Variants in ACTR1B observed in about 807,000 individuals in gnomAD.
ACTR1B encodes the protein actin related protein 1B.
Under a neutral mutation model 49.4 loss-of-function variants are expected in ACTR1B, and 34 were observed. That is an observed-to-expected ratio of 0.69 (90% CI 0.52 to 0.92). The LOEUF (loss-of-function observed/expected upper bound fraction) is 0.92. Among genes scored for constraint, ACTR1B ranks in the 40% least tolerant of loss-of-function variants. The pLI is 0.00. For missense variants in ACTR1B, 471 were observed against 522.4 expected, an observed-to-expected ratio of 0.90 and a Z score of 0.96; for synonymous variants, 207 against 207.8, an observed-to-expected ratio of 1.00 and a Z score of 0.03.
intron 1 of ACTR1B, 123 bp from the exon 2 acceptor site, chr2:97,662,069 G>T: frequency 2.1e-6 from 2 of 949,768 alleles, no homozygotes; most frequent in Non-Finnish European, 3.3e-6. Context: ...ACCCTGCCAG[G>T]ATCATTTACA....
Position 97,658,640 on chromosome 2 carries a change from G to A in ACTR1B, c.444C>T (p.Tyr148=), listed in dbSNP as rs202224459. ...CCACTCCTGTCGTGCGTCCTGTTGC[G>A]TACCTGTCACCAGGTCAGCATCCCC... ...FISMQAVLSL[Y]ATGRTTGVVL... is the part of the protein sequence containing the mutation. Residue 148 remains tyrosine, a synonymous_variant, in exon 6 of 11, where the codon TAC becomes TAT. Transcript: ENST00000289228. The surrounding 1 kb of genome is among the most constrained non-coding windows in gnomAD (Gnocchi z 5.9). The A allele has an allele frequency of 1.9e-5, 31 of 1,613,618 alleles. No homozygotes were observed. The highest frequency in any genetic ancestry group is 4.4e-5 in the South Asian group (4 of 91,082).
rs548510955 is a variant in ACTR1B at position 97,659,155 on chromosome 2, C to G, written c.316-152G>C. On this transcript the variant is annotated intron_variant, in intron 4 of 10. Coordinates refer to ENST00000289228, the MANE Select transcript of ACTR1B (RefSeq NM_005735.4). The surrounding 1 kb of genome is among the most constrained non-coding windows in gnomAD (Gnocchi z 4.0). ...ATCCCTTTATCTGCTGGCAGTTACT[C>G]TTCCGGAGATCCGGCTCTCTTTGGA... 1 of 1,455,762 alleles carries G rather than the reference C, an allele frequency of 6.9e-7. No individual in the cohort carries two copies. The highest frequency in any genetic ancestry group is 9.4e-7 in the Non-Finnish European group (1 of 1,066,872). 90.2% of individuals were successfully genotyped at this position (1,455,762 alleles called of 1,614,324 possible).
chr2:97,662,039 GGCCAAGGAGGAA>G, intron 1 of ACTR1B, 93 bp from the exon 2 acceptor site: 1 of 1,309,808 alleles, frequency 7.6e-7, no homozygotes, highest in Non-Finnish European at 1.1e-6. Context: ...CGTCAAGGCA[GGCCAAGGAGGAA>G]GCCAGGGACC....
At chr2:97,657,101 T>G in intron 10 of ACTR1B, 51 bp downstream of exon 10, 2 of 1,600,330 alleles carry the variant, frequency 1.2e-6, no homozygotes, top group Non-Finnish European at 1.7e-6. Flanking sequence ...GGGAGGAGCA[T>G]CCAGGGTAAA....
rs1156724529 is a variant in ACTR1B at position 97,659,255 on chromosome 2, T to C, written c.315+97A>G. 4 of 1,568,292 alleles carry C rather than the reference T, an allele frequency of 2.6e-6. No individual in the cohort carries two copies. Among genetic ancestry groups the C allele is most frequent in the South Asian group, 1.2e-5 (1 of 86,726 alleles). ...GGAAAGGCAGCAGGCCCTCTAGAAATGTAGAAGGGAAATGTGGGAGCCCGG... is the reference window on the plus strand; with the variant it reads ...GGAAAGGCAGCAGGCCCTCTAGAAACGTAGAAGGGAAATGTGGGAGCCCGG... On this transcript the variant is annotated intron_variant, in intron 4 of 10. Coordinates refer to ENST00000289228, the MANE Select transcript of ACTR1B (RefSeq NM_005735.4). The surrounding 1 kb of genome is among the most constrained non-coding windows in gnomAD (Gnocchi z 4.0).
At position 97,658,091 on chromosome 2, in the gene ACTR1B, G is replaced by A. The variant is rs780795599; in HGVS notation, c.777C>T (p.Pro259=). ...CAAGGTCCGGCTGGAACAGCAGCTC[G>A]GGGGCCCGGAATCGTGCAGGCCCCA... The part of the protein sequence containing the change: ...LDVGPARFRA[P]ELLFQPDLVG... Residue 259 remains proline (P), a synonymous_variant, in exon 8 of 11, where the codon CCC becomes CCT. Coordinates refer to ENST00000289228, the MANE Select transcript of ACTR1B (RefSeq NM_005735.4). The surrounding 1 kb of genome is among the most constrained non-coding windows in gnomAD (Gnocchi z 5.9). The A allele has an allele frequency of 8.7e-6, 14 of 1,612,688 alleles. No individual in the cohort carries two copies. The East Asian group carries it at 8.9e-5, about 10-fold the overall frequency.
In ACTR1B at chr2:97,659,838, C is replaced by T. The variant is rs946410731; in HGVS notation, c.190-361G>A. The T allele has an allele frequency of 2.1e-5, 7 of 333,304 alleles. No individual in the cohort carries two copies. The highest frequency in any genetic ancestry group is 6.4e-5 in the African/African-American group (3 of 46,906). 20.6% of individuals were successfully genotyped at this position (333,304 alleles called of 1,614,324 possible). A position where few individuals can be genotyped will look rare whatever the true frequency, so the allele number is the denominator to read the frequency against. On this transcript the variant is annotated intron_variant, in intron 3 of 10. Coordinates refer to ENST00000289228, the MANE Select transcript of ACTR1B (RefSeq NM_005735.4). The surrounding 1 kb of genome is among the most constrained non-coding windows in gnomAD (Gnocchi z 4.0). ...CTGGCCAGCGCCGGCACCTTGCAGCCGCCCAACACGGCCCCTCCTGGGCCA... is the reference window on the plus strand; with the variant it reads ...CTGGCCAGCGCCGGCACCTTGCAGCTGCCCAACACGGCCCCTCCTGGGCCA...
In ACTR1B at chr2:97,658,469, G is replaced by A. The variant is rs1674917612; in HGVS notation, c.615C>T (p.Phe205=). Residue 205 remains phenylalanine (F), a synonymous_variant, in exon 6 of 11, where the codon TTC becomes TTT. Coordinates refer to ENST00000289228, the MANE Select transcript of ACTR1B (RefSeq NM_005735.4). The surrounding 1 kb of genome is among the most constrained non-coding windows in gnomAD (Gnocchi z 5.9). ...CAACCTCAAACTCAGCCGAGGTATG[G>A]AAGTCAACCCCTTCCTTGCGCAGCA... The part of the protein sequence containing the change: ...RLLLRKEGVD[F]HTSAEFEVVR... 6.2e-7 allele frequency: 1 copy of A among 1,614,038 alleles called. No homozygotes were observed. Among genetic ancestry groups the A allele is most frequent in the African/African-American group, 1.3e-5 (1 of 74,910 alleles).
chr2:97,662,864 G>C (rs1457187784), intron 1 of ACTR1B, among the ~76,000 whole-genome samples: 2 of 152,210 alleles, frequency 1.3e-5, no homozygotes, highest in Non-Finnish European at 2.9e-5. Flanking sequence ...TGGTGTGACA[G>C]CACGTCCCCA....
chr2:97,657,620 T>C, intron 8 of ACTR1B, 111 bp from the exon 9 acceptor site: 1 of 1,148,996 alleles, frequency 8.7e-7, no homozygotes, highest in Non-Finnish European at 1.3e-6. Flanking sequence ...TATCAGCAGC[T>C]CTTCCCAGGA....
chr2:97,659,085 GC>G lies in ACTR1B; in HGVS notation c.316-83del. ...AGGCTCTTTCCAGAGAACCACACCC[GC>G]TGGCGCACAGGCAGCTCAGCCTCCT... On this transcript the variant is annotated intron_variant, in intron 4 of 10. Transcript: ENST00000289228. The surrounding 1 kb of genome is among the most constrained non-coding windows in gnomAD (Gnocchi z 4.0). 1 of 1,594,426 alleles carries G rather than the reference GC, an allele frequency of 6.3e-7. No individual in the cohort carries two copies. The highest frequency in any genetic ancestry group is 8.6e-7 in the Non-Finnish European group (1 of 1,167,324).
intron 2 of ACTR1B, 152 bp downstream of exon 2, chr2:97,661,730 C>T: frequency 1.4e-6 from 1 of 709,780 alleles, no homozygotes; most frequent in Non-Finnish European, 2.4e-6. Flanking sequence ...CTTGTTCTTT[C>T]AGTGCTCTCT....
Position 97,663,984 on chromosome 2 carries a change from C to A in ACTR1B, c.-94G>T, listed in dbSNP as rs1220808000. 1.3e-6 allele frequency: 1 copy of A among 770,722 alleles called. No individual in the cohort carries two copies. The highest frequency in any genetic ancestry group is 1.7e-6 in the Non-Finnish European group (1 of 572,500). The allele number at this position is 770,722 out of a possible 1,614,324, so 47.7% of individuals were successfully genotyped here. ...GGACCGGGACGGCGGCGGCTCCCGACGCGGCGCCGCTGCCCTCCCTCCCCG... is the reference window on the plus strand; with the variant it reads ...GGACCGGGACGGCGGCGGCTCCCGAAGCGGCGCCGCTGCCCTCCCTCCCCG... On this transcript the variant is annotated 5_prime_UTR_variant, in exon 1 of 11. Transcript: ENST00000289228.
In ACTR1B at chr2:97,658,769, G is replaced by T. The variant is rs1161651553; in HGVS notation, c.440+110C>A. ...AGAGGACACGAGGGACTCCCTAGAG[G>T]AACAGTCATCAAGGGGCTGTTTTTC... On this transcript the variant is annotated intron_variant, in intron 5 of 10. Coordinates refer to ENST00000289228, the MANE Select transcript of ACTR1B (RefSeq NM_005735.4). This position sits in a 1 kb window ranked among gnomAD's most constrained non-coding sequence, Gnocchi z 5.9. The T allele has an allele frequency of 6.3e-7, 1 of 1,584,620 alleles. No individual in the cohort carries two copies. Among genetic ancestry groups the T allele is most frequent in the Non-Finnish European group, 8.6e-7 (1 of 1,156,588 alleles).
At position 97,656,739 on chromosome 2, in the gene ACTR1B, C is replaced by T. The variant is rs1674851864; in HGVS notation, c.*119G>A. ...GGGGGGCACTGCTGTGCCACCCACC[C>T]AGGGGTTCAGGGCATGCAGGGGACC... On this transcript the variant is annotated 3_prime_UTR_variant, in exon 11 of 11. Transcript: ENST00000289228. 1.3e-6 allele frequency: 1 copy of T among 789,610 alleles called. No homozygotes were observed. The highest frequency in any genetic ancestry group is 2.1e-6 in the Non-Finnish European group (1 of 474,878). The allele number at this position is 789,610 out of a possible 1,614,324, so 48.9% of individuals were successfully genotyped here. A position where few individuals can be genotyped will look rare whatever the true frequency, so the allele number is the denominator to read the frequency against.
chr2:97,661,778 C>T lies in ACTR1B; in HGVS notation c.113+104G>A, dbSNP rs1430120678. The T allele has an allele frequency of 3.4e-6, 4 of 1,189,770 alleles. No homozygotes were observed. In the African/African-American group the frequency reaches 4.6e-5, roughly 14 times the overall value. 73.7% of individuals were successfully genotyped at this position (1,189,770 alleles called of 1,614,324 possible). The stretch of plus-strand genomic sequence containing the variant: ...CCTCACAAATTTGGTGTTTTCCATA[C>T]AGGTCAGGGCACAAATTGTCTTCAA... On this transcript the variant is annotated intron_variant, in intron 2 of 10. Coordinates refer to ENST00000289228, the MANE Select transcript of ACTR1B (RefSeq NM_005735.4).
rs765048686 is a variant in ACTR1B at position 97,658,316 on chromosome 2, G to A, written c.658C>T (p.Arg220Ter). The part of the protein sequence containing the change: ...EFEVVRTIKE[R>*]ACYLSINPQK... Reference sequence around the variant, plus strand: ...GGGTTGATGGACAGGTAGCACGCTCGCTGCGGGGACAGGGACACAGCCCTC... The same window carrying A: ...GGGTTGATGGACAGGTAGCACGCTCACTGCGGGGACAGGGACACAGCCCTC... Residue 220 changes from arginine (R) to a stop codon, truncating the protein, a stop_gained and splice_region_variant, in exon 7 of 11, where the codon CGA becomes TGA. Transcript: ENST00000289228. LOFTEE classifies it high-confidence loss of function. This position sits in a 1 kb window ranked among gnomAD's most constrained non-coding sequence, Gnocchi z 5.9. 5.0e-6 allele frequency: 8 copies of A among 1,614,142 alleles called. No individual in the cohort carries two copies. Among genetic ancestry groups the A allele is most frequent in the Non-Finnish European group, 5.9e-6 (7 of 1,180,020 alleles).
At chr2:97,663,226 A>C (rs927126963) in intron 1 of ACTR1B, among the ~76,000 whole-genome samples, 6 of 152,156 alleles carry the variant, frequency 3.9e-5, no homozygotes, top group African/African-American at 1.4e-4. Context: ...CGATCACCCC[A>C]AATTGCTTGC....
intron 8 of ACTR1B, 80 bp downstream of exon 8, chr2:97,657,863 C>A (rs903298529): frequency 1.3e-6 from 2 of 1,505,258 alleles, no homozygotes; most frequent in African/African-American, 1.4e-5. Flanking sequence ...CAGAATATGG[C>A]TCTGGGTAGG....
Sources: allele counts gnomAD v4.1 joint callset (sites outside exome capture counted in the v4.1 genomes callset), GRCh38; gene constraint gnomAD v4.1.1; non-coding constraint Gnocchi (gnomAD v3.1); transcripts MANE v1.5; gene names NCBI Gene and HGNC (gene_info 2026-07-23, HGNC 2026-07-21).